Variants in DST observed in about 807,000 individuals in gnomAD.
The protein encoded by DST is bullous pemphigoid antigen.
A neutral mutation model predicts 875.2 loss-of-function variants in DST; 253 were observed. The ratio of observed to expected loss-of-function variants is 0.29; its 90% CI spans 0.26 to 0.32. The LOEUF (loss-of-function observed/expected upper bound fraction) is 0.32. Ranked by LOEUF, DST falls within the 10% of genes least tolerant of loss-of-function variation. DST has a pLI of 1.00. For synonymous variants in DST, 3,124 were observed against 3,197.1 expected (o/e 0.98, Z 0.77); for missense variants, 8,287 against 9,111.6 (o/e 0.91, Z 3.68).
chr6:56,929,542 G>A (rs946625658), intron 2 of DST, among the ~76,000 whole-genome samples: 3 of 151,976 alleles, frequency 2.0e-5, no homozygotes, highest in Non-Finnish European at 4.4e-5. Context: ...GGATTTAAGA[G>A]AAACTAAGAA....
At chr6:56,941,507 G>C (rs1467403905) in intron 2 of DST, among the ~76,000 whole-genome samples, 3 of 152,136 alleles carry the variant, frequency 2.0e-5, no homozygotes, top group Non-Finnish European at 4.4e-5. Flanking sequence ...TTTTAAGACA[G>C]GGTCTCACTC....
rs138507484 is a variant in DST at position 56,654,586 on chromosome 6, C to CTATATATATATATATATATATATATATA, written c.1215-3343_1215-3342insTATATATATATATATATATATATATATA. Among the ~76,000 whole-genome samples, 374 of 132,932 alleles carry CTATATATATATATATATATATATATATA rather than the reference C, an allele frequency of 2.8e-3. 9 individuals carry two copies. Among genetic ancestry groups the CTATATATATATATATATATATATATATA allele is most frequent in the African/African-American group, 9.8e-3 (282 of 28,740 alleles). 87.2% of individuals were successfully genotyped at this position (132,932 alleles called of 152,430 possible). On this transcript the variant is annotated intron_variant, in intron 10 of 103. Coordinates refer to ENST00000680361, the MANE Select transcript of DST (RefSeq NM_001374736.1). The stretch of plus-strand genomic sequence containing the variant: ...TCTTAAAAGAGCAATCTCCCCTAGG[C>CTATATATATATATATATATATATATATA]TATATATATATATATATATCTCCAC...
intron 4 of DST, among the ~76,000 whole-genome samples, chr6:56,775,022 T>C (rs1473497431): frequency 3.7e-5 from 5 of 134,848 alleles, no homozygotes; most frequent in East Asian, 4.4e-4. Flanking sequence ...GGAAAAGAAA[T>C]ACAAATCCCT....
At chr6:56,469,799 C>A (rs1382306095) in intron 97 of DST, 84 bp downstream of exon 97, 1 of 1,205,256 alleles carries the variant, frequency 8.3e-7, no homozygotes, top group Non-Finnish European at 1.2e-6. Context: ...AAATAAGACT[C>A]CTGGAAAACA....
At position 56,529,777 on chromosome 6, in the gene DST, A is replaced by T. The variant is rs373884076; in HGVS notation, c.17269-3T>A. The T allele has an allele frequency of 1.3e-4, 204 of 1,531,494 alleles. No homozygotes were observed. Among genetic ancestry groups the T allele is most frequent in the Non-Finnish European group, 1.7e-4 (200 of 1,143,682 alleles). The allele number at this position is 1,531,494 out of a possible 1,614,324, so 94.9% of individuals were successfully genotyped here. ...TTGATGATGTCATCTTCTAAGGCCT[A>T]AGCAAAGTTTAAAAAAATAAAGAAG... is the stretch of plus-strand genomic sequence containing the variant. On this transcript the variant is annotated splice_polypyrimidine_tract_variant and splice_region_variant and intron_variant, in intron 65 of 103. Coordinates refer to ENST00000680361, the MANE Select transcript of DST (RefSeq NM_001374736.1).
rs1161578536 is a variant in DST at position 56,606,311 on chromosome 6, C to T, written c.8317G>A (p.Val2773Ile). 2 of 1,607,372 alleles carry T rather than the reference C, an allele frequency of 1.2e-6. No individual in the cohort carries two copies. Among genetic ancestry groups the T allele is most frequent in the African/African-American group, 2.7e-5 (2 of 74,834 alleles). The stretch of plus-strand genomic sequence containing the variant: ...TCGGAGTGAAATTCCTGTCCAGTTA[C>T]ATACTCTTCCTTTCTTCCTCTCCAA... ...GSWRGRKEEY[V>I]TGQEFHSDTD... The change falls in exon 40 of 104, where the codon GTA becomes ATA. Residue 2773 changes from valine (V) to isoleucine (I), a missense_variant. Around this residue, in one of 10 missense-constraint regions of DST, gnomAD observed 3,138 missense variants for 3,116.6 expected, o/e 1.01. Coordinates refer to ENST00000680361, the MANE Select transcript of DST (RefSeq NM_001374736.1).
In DST at chr6:56,607,652, T is replaced by C. The variant is rs779159688; in HGVS notation, c.6976A>G (p.Ile2326Val). The change falls in exon 40 of 104, where the codon ATA (isoleucine) becomes GTA (valine). Residue 2326 changes from isoleucine to valine, a missense_variant. Physicochemically the swap from Ile to Val is conservative, Grantham distance 29. This residue lies in a region of DST where 3,138 missense variants were observed against 3,116.6 expected (regional missense o/e 1.01). Transcript: ENST00000680361. ...CTGTTAACTTTAGGATCAATTGATA[T>C]TGTACTTGCCAGTTTTCCTGACTGA... ...FSQSGKLAST[I>V]SIDPKVNSSP... 1.2e-6 allele frequency: 2 copies of C among 1,613,480 alleles called. No homozygotes were observed. Among genetic ancestry groups the C allele is most frequent in the African/African-American group, 1.3e-5 (1 of 75,018 alleles).
intron 7 of DST, 79 bp from the exon 8 acceptor site, chr6:56,702,044 A>G (rs1296189129): frequency 1.2e-6 from 1 of 829,868 alleles, no homozygotes; most frequent in African/African-American, 1.7e-5. Flanking sequence ...ATTTCTGTTC[A>G]TCTTAATATA....
Position 56,735,209 on chromosome 6 carries a change from G to A in DST, c.687+19C>T. 6.6e-7 allele frequency: 1 copy of A among 1,504,774 alleles called. No individual in the cohort carries two copies. The highest frequency in any genetic ancestry group is 1.2e-5 in the South Asian group (1 of 82,400). The allele number at this position is 1,504,774 out of a possible 1,614,324, so 93.2% of individuals were successfully genotyped here. ...AATATTCCAAACAATTCCAGGAAGT[G>A]AACGAAATAAAAACTGACCTTCATG... On this transcript the variant is annotated intron_variant, in intron 5 of 103. Transcript: ENST00000680361.
At chr6:56,849,657 G>GGTT (rs2127574080) in intron 4 of DST, among the ~76,000 whole-genome samples, 2 of 152,238 alleles carry the variant, frequency 1.3e-5, no homozygotes, top group South Asian at 4.1e-4. Context: ...GTACAATGAT[G>GGTT]GTTAGTACTA....
At chr6:56,725,355 C>T (rs945326767) in intron 5 of DST, among the ~76,000 whole-genome samples, 61 of 152,194 alleles carry the variant, frequency 4.0e-4, no homozygotes, top group Non-Finnish European at 5.9e-5. Context: ...ATTTGACATT[C>T]CACTGGAGAT....
At chr6:56,637,950 T>C (rs144897568) in intron 22 of DST, among the ~76,000 whole-genome samples, 86 of 152,192 alleles carry the variant, frequency 5.7e-4, no homozygotes, top group African/African-American at 2.0e-3. Flanking sequence ...TTTCAGTAAA[T>C]TGGCTATAAA....
At chr6:56,586,788 C>G (rs559428893) in intron 49 of DST, among the ~76,000 whole-genome samples, 1 of 152,296 alleles carries the variant, frequency 6.6e-6, no homozygotes, top group Non-Finnish European at 1.5e-5. Flanking sequence ...GCTGCTGATA[C>G]CCAGGCAAAC....
chr6:56,835,433 G>T (rs547490035), intron 4 of DST, among the ~76,000 whole-genome samples: 43 of 152,258 alleles, frequency 2.8e-4, no homozygotes, highest in African/African-American at 9.1e-4. Flanking sequence ...ATAAATATGA[G>T]AAACTATGGG....
rs35690052 is a variant in DST, at chr6:56,475,394, A to AACACACACACACACAC, written c.21864+739_21864+754dup. ...CATTGATGTCTTATTAGGCTTTTAA[A>AACACACACACACACAC]ACACACACACACACACACACACACA... On this transcript the variant is annotated intron_variant, in intron 92 of 103. Transcript: ENST00000680361. 8.4e-4 allele frequency among the ~76,000 whole-genome samples: 122 copies of AACACACACACACACAC among 144,976 alleles called. 2 individuals carry two copies. Among genetic ancestry groups the AACACACACACACACAC allele is most frequent in the African/African-American group, 3.0e-3 (114 of 38,566 alleles).
At chr6:56,797,584 A>C (rs1443783818) in intron 4 of DST, among the ~76,000 whole-genome samples, 1 of 152,170 alleles carries the variant, frequency 6.6e-6, no homozygotes, top group East Asian at 1.9e-4. Context: ...CTATAATTCC[A>C]GCACTTTGGG....
intron 2 of DST, among the ~76,000 whole-genome samples, chr6:56,921,351 C>T (rs80316484): frequency 0.012 from 1,781 of 152,182 alleles, 32 homozygotes; most frequent in East Asian, 0.039. Flanking sequence ...AATATCAACA[C>T]CTTCAGATTA....
chr6:56,763,150 G>A (rs180867777), intron 4 of DST, among the ~76,000 whole-genome samples: 15 of 151,946 alleles, frequency 9.9e-5, no homozygotes, highest in African/African-American at 3.1e-4. Flanking sequence ...GCACCCAGCC[G>A]AGAACATTAC....
Position 56,629,410 on chromosome 6 carries a change from C to T in DST, c.4315G>A (p.Val1439Ile). Reference protein sequence around the residue: ...WRSEVDEKRQVFHALEDELQK... With the variant: ...WRSEVDEKRQIFHALEDELQK... ...AACTCATCCTCTAAGGCATGGAATA[C>T]CTGTCTCTTTTCATCTACTTCAGAT... The change falls in exon 32 of 104, where the codon GTA becomes ATA. Residue 1439 changes from valine (V) to isoleucine (I), a missense_variant. Coordinates refer to ENST00000680361, the MANE Select transcript of DST (RefSeq NM_001374736.1). The T allele has an allele frequency of 1.9e-6, 3 of 1,613,510 alleles. No homozygotes were observed. The highest frequency in any genetic ancestry group is 2.2e-5 in the South Asian group (2 of 91,072).
Sources: gnomAD v4.1 joint callset for allele counts (sites outside exome capture counted in the v4.1 genomes callset) on GRCh38, gnomAD v4.1.1 for gene constraint, gnomAD v4.1.1 regional missense constraint, MANE v1.5 for transcripts, NCBI Gene and HGNC (gene_info 2026-07-23, HGNC 2026-07-21) for gene names.